The following OSBPL9 variants were observed in gnomAD, a reference collection of about 807,000 sequenced individuals.
OSBPL9 encodes oxysterol binding protein like 9, also known as oxysterol-binding protein-related protein 9.
A neutral mutation model predicts 106.6 loss-of-function variants in OSBPL9; 40 were observed. The observed-to-expected ratio is 0.38, with a 90% CI of 0.29 to 0.49. OSBPL9 has a LOEUF of 0.49. Ranked by LOEUF, OSBPL9 falls within the 20% of genes least tolerant of loss-of-function variation. OSBPL9 has a pLI of 0.97. For missense variants in OSBPL9, 609 were observed against 887.2 expected, an observed-to-expected ratio of 0.69 and a Z score of 3.98; for synonymous variants, 269 against 295.4, an observed-to-expected ratio of 0.91 and a Z score of 0.92.
chr1:51,689,389 T>C (rs1427490969), intron 3 of OSBPL9, among the ~76,000 whole-genome samples: 3 of 152,144 alleles, frequency 2.0e-5, no homozygotes, highest in Non-Finnish European at 4.4e-5. Context: ...TTCATTGACT[T>C]ACTCAAAAGT....
chr1:51,597,455 G>GTA (rs1557579987), intron 1 of OSBPL9, among the ~76,000 whole-genome samples: 1 of 141,656 alleles, frequency 7.1e-6, no homozygotes, highest in African/African-American at 2.7e-5. Flanking sequence ...GTGTGTGTGT[G>GTA]TGTGTATATA....
At chr1:51,698,867 T>C (rs1358006458) in intron 3 of OSBPL9, among the ~76,000 whole-genome samples, 2 of 152,174 alleles carry the variant, frequency 1.3e-5, no homozygotes, top group African/African-American at 2.4e-5. Context: ...TACTGTATTT[T>C]TATTTCTCAT....
At chr1:51,699,258 T>TAGTATACTA (rs1656727444) in intron 3 of OSBPL9, among the ~76,000 whole-genome samples, 1 of 152,162 alleles carries the variant, frequency 6.6e-6, no homozygotes, top group Non-Finnish European at 1.5e-5. Context: ...TTTTTTTGTA[T>TAGTATACTA]AGTATACTAA....
At chr1:51,759,987 C>G (rs1396809253) in intron 9 of OSBPL9, 1 of 152,136 alleles carries the variant, frequency 6.6e-6, no homozygotes, top group African/African-American at 2.4e-5. Context: ...AAAAGTACCT[C>G]TTTACTGAAT....
chr1:51,772,215 C>G, intron 13 of OSBPL9, 33 bp downstream of exon 13: 2 of 1,548,004 alleles, frequency 1.3e-6, no homozygotes, highest in Non-Finnish European at 1.8e-6. Flanking sequence ...ACTTTTTTTT[C>G]TTTAAAAATA....
chr1:51,665,238 G>A (rs991350828), intron 2 of OSBPL9, among the ~76,000 whole-genome samples: 1 of 152,116 alleles, frequency 6.6e-6, no homozygotes, highest in East Asian at 1.9e-4. Flanking sequence ...TCCAGCTCCC[G>A]GCTTCAAGTG....
At chr1:51,707,820 C>T (rs1658925843) in intron 3 of OSBPL9, 1 of 176,782 alleles carries the variant, frequency 5.7e-6, no homozygotes, top group African/African-American at 2.4e-5. Flanking sequence ...TAAGTGAGTC[C>T]CAGCCTTCTC....
intron 3 of OSBPL9, among the ~76,000 whole-genome samples, chr1:51,674,708 T>C (rs1239373136): frequency 1.3e-5 from 2 of 151,800 alleles, no homozygotes; most frequent in Non-Finnish European, 1.5e-5. Flanking sequence ...TATAAGATTA[T>C]AATACCATAT....
intron 4 of OSBPL9, among the ~76,000 whole-genome samples, chr1:51,728,768 C>G (rs1663615996): frequency 6.6e-6 from 1 of 152,140 alleles, no homozygotes; most frequent in South Asian, 2.1e-4. Context: ...CCCCGCCTCT[C>G]CCAGCCTCCG....
At chr1:51,643,000 G>A (rs114274316) in intron 1 of OSBPL9, among the ~76,000 whole-genome samples, 1,814 of 152,288 alleles carry the variant, frequency 0.012, 38 homozygotes, top group African/African-American at 0.042. Context: ...AAGGAAAGAA[G>A]TTTATTTTGG....
intron 4 of OSBPL9, among the ~76,000 whole-genome samples, chr1:51,719,732 G>A (rs1661718447): frequency 6.6e-6 from 1 of 152,088 alleles, no homozygotes; most frequent in African/African-American, 2.4e-5. Context: ...TTTAATGTGG[G>A]CAAACATAAA....
chr1:51,729,315 C>A lies in OSBPL9; in HGVS notation c.318+15236C>A, dbSNP rs1663728507. ...AGCAAAATCCGTTATCAAGGTGAAA[C>A]TCCGGGGACCAGGCTCCACAGCTGC... On this transcript the variant is annotated intron_variant, in intron 4 of 23. Transcript: ENST00000428468. This position sits in a 1 kb window ranked among gnomAD's most constrained non-coding sequence, Gnocchi z 5.1. 1 of 152,474 alleles carries A rather than the reference C, an allele frequency of 6.6e-6. No individual in the cohort carries two copies. Among genetic ancestry groups the A allele is most frequent in the South Asian group, 2.1e-4 (1 of 4,838 alleles). The allele number at this position is 152,474 out of a possible 1,614,324, so 9.4% of individuals were successfully genotyped here.
intron 1 of OSBPL9, among the ~76,000 whole-genome samples, chr1:51,647,559 A>C (rs1038076213): frequency 2.6e-5 from 4 of 152,092 alleles, no homozygotes; most frequent in African/African-American, 9.7e-5. Flanking sequence ...TTTTTTGATT[A>C]CTAATTCAGT....
chr1:51,788,118 A>G lies in OSBPL9; in HGVS notation c.*329A>G, dbSNP rs930452057. 3.4e-6 allele frequency: 1 copy of G among 295,774 alleles called. No homozygotes were observed. Among genetic ancestry groups the G allele is most frequent in the Middle Eastern group, 1.0e-3 (1 of 972 alleles). The allele number at this position is 295,774 out of a possible 1,614,324, so 18.3% of individuals were successfully genotyped here. ...TCTGCGCTCTAGTACTGCTGTTAAGATACACAACTTGTTTCTTAGTTCATA... is the reference window on the plus strand; with the variant it reads ...TCTGCGCTCTAGTACTGCTGTTAAGGTACACAACTTGTTTCTTAGTTCATA... On this transcript the variant is annotated 3_prime_UTR_variant, in exon 24 of 24. Transcript: ENST00000428468.
intron 1 of OSBPL9, chr1:51,598,038 G>A (rs535034330): frequency 1.2e-4 from 19 of 152,356 alleles, no homozygotes; most frequent in African/African-American, 4.6e-4. Context: ...GCAGAGAGAT[G>A]TACCAGATAT....
At chr1:51,624,214 G>T (rs183825652) in intron 1 of OSBPL9, among the ~76,000 whole-genome samples, 23 of 152,028 alleles carry the variant, frequency 1.5e-4, no homozygotes, top group African/African-American at 5.3e-4. Context: ...ACCTTGCCTG[G>T]CTATATGGTA....
chr1:51,775,603 C>CATTTATTTATTTATTT (rs564959096), intron 14 of OSBPL9, among the ~76,000 whole-genome samples: 30 of 151,804 alleles, frequency 2.0e-4, no homozygotes, highest in Non-Finnish European at 3.8e-4. Context: ...AGCTTGCTTG[C>CATTTATTTATTTATTT]ATTTATTTAT....
intron 2 of OSBPL9, among the ~76,000 whole-genome samples, chr1:51,599,331 G>T (rs1645316897): frequency 6.6e-6 from 1 of 152,150 alleles, no homozygotes; most frequent in Non-Finnish European, 1.5e-5. Context: ...GGAATCGCTT[G>T]TACTATTTTG....
In OSBPL9 at chr1:51,716,246, G is replaced by A. The variant is rs144846565; in HGVS notation, c.318+2167G>A. Among the ~76,000 whole-genome samples, 874 of 152,284 alleles carry A rather than the reference G, an allele frequency of 5.7e-3. 2 individuals are homozygous for A. The highest frequency in any genetic ancestry group is 0.02 in the African/African-American group (829 of 41,560). ...AGAAATATGGAATTAATGTTCATTTGACTGGCAAAAGATTATTTTCTCAGA... is the reference window on the plus strand; with the variant it reads ...AGAAATATGGAATTAATGTTCATTTAACTGGCAAAAGATTATTTTCTCAGA... On this transcript the variant is annotated intron_variant, in intron 4 of 23. Transcript: ENST00000428468.
Sources: gnomAD v4.1 joint callset for allele counts (sites outside exome capture counted in the v4.1 genomes callset) on GRCh38, gnomAD v4.1.1 for gene constraint, Gnocchi (gnomAD v3.1) non-coding constraint, MANE v1.5 for transcripts, NCBI Gene and HGNC (gene_info 2026-07-23, HGNC 2026-07-21) for gene names.